The following BRDT variants were observed in gnomAD, a reference collection of about 807,000 sequenced individuals.
BRDT encodes bromodomain testis-specific protein.
BRDT carries 77 observed loss-of-function variants against 113.9 expected under a neutral mutation model. The observed-to-expected ratio is 0.68, with a 90% CI of 0.56 to 0.82. The LOEUF (loss-of-function observed/expected upper bound fraction) is 0.82. Among genes scored for constraint, BRDT ranks in the 40% least tolerant of loss-of-function variants. The pLI, the probability that BRDT is intolerant of heterozygous loss-of-function variation, is 0.00. For missense variants in BRDT, 1,027 were observed against 1,105.4 expected, an observed-to-expected ratio of 0.93 and a Z score of 1.01; for synonymous variants, 358 against 366.5, an observed-to-expected ratio of 0.98 and a Z score of 0.26.
intron 1 of BRDT, among the ~76,000 whole-genome samples, chr1:91,962,479 A>G (rs1289661675): frequency 1.3e-5 from 2 of 152,016 alleles, no homozygotes; most frequent in African/African-American, 4.8e-5. Context: ...GATTACAGGC[A>G]TGCACTACCA....
chr1:91,997,679 A>G (rs1362447659), intron 15 of BRDT, among the ~76,000 whole-genome samples: 2 of 152,220 alleles, frequency 1.3e-5, no homozygotes, highest in African/African-American at 4.8e-5. Context: ...TATTACTTGA[A>G]ATTCTGTTTA....
rs192498518 is a variant in BRDT at position 91,982,811 on chromosome 1, A to G, written c.2002+1056A>G. ...CAGAATTTTTACTTTGGGATTTGTC[A>G]TACTAGAAAATTTAAAAATGTAGGG... On this transcript the variant is annotated intron_variant, in intron 12 of 18. Transcript: ENST00000399546. Among the ~76,000 whole-genome samples the G allele has an allele frequency of 5.3e-4, 81 of 152,334 alleles. 1 individual carries two copies. Among genetic ancestry groups the G allele is most frequent in the Non-Finnish European group, 9.4e-4 (64 of 68,024 alleles).
chr1:92,002,711 C>T (rs1259658152), intron 16 of BRDT, among the ~76,000 whole-genome samples: 1 of 152,010 alleles, frequency 6.6e-6, no homozygotes, highest in East Asian at 1.9e-4. Flanking sequence ...TTGATATTTG[C>T]CAGTGATCTC....
intron 1 of BRDT, among the ~76,000 whole-genome samples, chr1:91,959,179 AAAAC>A (rs566625233): frequency 7.0e-4 from 107 of 152,324 alleles, no homozygotes; most frequent in East Asian, 2.3e-3. Flanking sequence ...GCCATCTCAA[AAAAC>A]AAACAAAAAC....
intron 1 of BRDT, among the ~76,000 whole-genome samples, chr1:91,961,044 C>T (rs938971395): frequency 6.6e-6 from 1 of 152,224 alleles, no homozygotes; most frequent in African/African-American, 2.4e-5. Flanking sequence ...GGTGCAGTGG[C>T]TCACGCCTGT....
rs191160242 is a variant in BRDT at position 91,958,466 on chromosome 1, T to A, written c.-37-4252T>A. On this transcript the variant is annotated intron_variant, in intron 1 of 18. Coordinates refer to ENST00000399546, the MANE Select transcript of BRDT (RefSeq NM_207189.4). Reference sequence around the variant, plus strand: ...CCTGATCTTGGGTGGTCTACCCACCTTCACCTCCCAAAGTGTTGGGATTAC... The same window carrying A: ...CCTGATCTTGGGTGGTCTACCCACCATCACCTCCCAAAGTGTTGGGATTAC... Among the ~76,000 whole-genome samples the A allele has an allele frequency of 3.3e-3, 509 of 152,290 alleles. 2 individuals are homozygous for A. The highest frequency in any genetic ancestry group is 5.6e-3 in the Non-Finnish European group (381 of 68,012).
chr1:91,962,187 A>G (rs1398951596), intron 1 of BRDT, among the ~76,000 whole-genome samples: 1 of 128,038 alleles, frequency 7.8e-6, no homozygotes, highest in Admixed American at 8.2e-5. Context: ...AAAAAAAAAA[A>G]AAAAATCCAA....
intron 12 of BRDT, among the ~76,000 whole-genome samples, chr1:91,983,904 A>T (rs191955362): frequency 3.3e-5 from 5 of 150,890 alleles, no homozygotes; most frequent in East Asian, 2.0e-4. Flanking sequence ...CTGGTCTTGA[A>T]CTCCTGACCT....
At chr1:91,977,970 A>G (rs1284294763) in intron 6 of BRDT, among the ~76,000 whole-genome samples, 198 bp from the exon 7 acceptor site, 1 of 152,204 alleles carries the variant, frequency 6.6e-6, no homozygotes, top group Non-Finnish European at 1.5e-5. Context: ...TCTACTTGTC[A>G]AAATTCACTG....
chr1:91,964,830 A>T (rs1356804870), intron 3 of BRDT, 66 bp downstream of exon 3: 1 of 1,133,808 alleles, frequency 8.8e-7, no homozygotes, highest in Non-Finnish European at 1.2e-6. Context: ...AATGTATAAA[A>T]TCATGTGATC....
rs1686909011 is a variant in BRDT, at chr1:92,002,108, A to G, written c.2347A>G (p.Thr783Ala). The G allele has an allele frequency of 1.2e-6, 2 of 1,613,890 alleles. No individual in the cohort carries two copies. Among genetic ancestry groups the G allele is most frequent in the Non-Finnish European group, 1.7e-6 (2 of 1,179,920 alleles). Reference protein sequence around the residue: ...TVMHPSGDSDTTMLESECQAP... With the variant: ...TVMHPSGDSDATMLESECQAP... ...GATGCATCCATCTGGTGATAGTGACACAACGATGTTAGAATCTGAATGTCA... is the reference window on the plus strand; with the variant it reads ...GATGCATCCATCTGGTGATAGTGACGCAACGATGTTAGAATCTGAATGTCA... The change falls in exon 16 of 19, where the codon ACA becomes GCA. Residue 783 changes from threonine to alanine, a missense_variant. Coordinates refer to ENST00000399546, the MANE Select transcript of BRDT (RefSeq NM_207189.4).
chr1:91,993,135 TA>T (rs146171792), intron 14 of BRDT, among the ~76,000 whole-genome samples: 2,844 of 152,320 alleles, frequency 0.019, 112 homozygotes, highest in African/African-American at 0.064. Flanking sequence ...TTGGCTGATT[TA>T]AACCTGAGCA....
At chr1:92,000,471 A>C (rs1404926189) in intron 15 of BRDT, among the ~76,000 whole-genome samples, 4 of 152,152 alleles carry the variant, frequency 2.6e-5, no homozygotes, top group Non-Finnish European at 2.9e-5. Context: ...ATTCTTTGAC[A>C]GTGTTTTGTC....
chr1:91,960,541 CAG>C (rs1331407688), intron 1 of BRDT, among the ~76,000 whole-genome samples: 3 of 152,070 alleles, frequency 2.0e-5, no homozygotes, highest in Non-Finnish European at 4.4e-5. Context: ...ACAGCAGGGA[CAG>C]AAGAATGAGG....
At chr1:91,956,472 T>C (rs1185264114) in intron 1 of BRDT, among the ~76,000 whole-genome samples, 2 of 152,356 alleles carry the variant, frequency 1.3e-5, no homozygotes, top group Middle Eastern at 3.4e-3. Context: ...TATATCTGCA[T>C]TGTCTCATAC....
In BRDT at chr1:91,978,178, A is replaced by G. The variant is rs771177481; in HGVS notation, c.980A>G (p.Asp327Gly). The G allele has an allele frequency of 9.3e-6, 15 of 1,611,882 alleles. No homozygotes were observed. In the Admixed American group the frequency reaches 1.2e-4, roughly 13 times the overall value. Residue 327 changes from aspartate to glycine, a missense_variant, in exon 7 of 19, where the codon GAT becomes GGT. Asp to Gly is a moderately conservative substitution (Grantham distance 94, BLOSUM62 -1). Transcript: ENST00000399546. Reference sequence around the variant, plus strand: ...TTTTCTTTAATTTAGGAGAAAATGGATAACCAAGAATATAAGGATGCATAC... The same window carrying G: ...TTTTCTTTAATTTAGGAGAAAATGGGTAACCAAGAATATAAGGATGCATAC... ...MDLGTIKEKM[D>G]NQEYKDAYKF...
At chr1:91,988,895 G>GA (rs1416855677) in intron 12 of BRDT, among the ~76,000 whole-genome samples, 15 of 152,320 alleles carry the variant, frequency 9.8e-5, no homozygotes, top group African/African-American at 3.4e-4. Context: ...ATTAGAATGA[G>GA]AAGCAAAATG....
chr1:91,963,079 T>C, intron 2 of BRDT, 133 bp downstream of exon 2: 1 of 622,112 alleles, frequency 1.6e-6, no homozygotes, highest in Non-Finnish European at 2.5e-6. Flanking sequence ...ATCCCAGCAC[T>C]TTGGGAGGCC....
At chr1:91,960,784 T>A (rs1415051420) in intron 1 of BRDT, among the ~76,000 whole-genome samples, 1 of 152,236 alleles carries the variant, frequency 6.6e-6, no homozygotes, top group Non-Finnish European at 1.5e-5. Flanking sequence ...ATTGGCTAAG[T>A]GTTAACACTG....
Sources: gnomAD v4.1 joint callset for allele counts (sites outside exome capture counted in the v4.1 genomes callset) on GRCh38, gnomAD v4.1.1 for gene constraint, MANE v1.5 for transcripts, NCBI Gene and HGNC (gene_info 2026-07-23, HGNC 2026-07-21) for gene names.